NCOA3: variants seen among roughly 807,000 people sequenced by gnomAD.
NCOA3 encodes CBP-interacting protein.
In NCOA3, 51 loss-of-function variants were observed where a neutral mutation model predicts 158.8. That is an observed-to-expected ratio of 0.32 (90% CI 0.26 to 0.41). The LOEUF (loss-of-function observed/expected upper bound fraction) is 0.41. NCOA3 is among the 10% of genes least tolerant of loss of function. The probability of loss-of-function intolerance (pLI) is 1.00; values close to 1 mark genes in which losing one functional copy is unlikely to be tolerated. For synonymous variants in NCOA3, 537 were observed against 592.4 expected, an observed-to-expected ratio of 0.91 and a Z score of 1.36; for missense variants, 1,510 against 1,746.6, an observed-to-expected ratio of 0.86 and a Z score of 2.41.
At chr20:47,573,831 C>A (rs1384544538) in intron 1 of NCOA3, among the ~76,000 whole-genome samples, 1 of 152,156 alleles carries the variant, frequency 6.6e-6, no homozygotes, top group East Asian at 1.9e-4. Flanking sequence ...TCTCTGAATT[C>A]AGGGACTTCT....
At chr20:47,560,549 CACA>C (rs199694869) in intron 1 of NCOA3, among the ~76,000 whole-genome samples, 17 of 152,264 alleles carry the variant, frequency 1.1e-4, no homozygotes, top group Middle Eastern at 3.4e-3. Context: ...TCTGCATGCT[CACA>C]ACATTTGGTA....
At chr20:47,530,166 A>C (rs1286594993) in intron 1 of NCOA3, among the ~76,000 whole-genome samples, 1 of 152,224 alleles carries the variant, frequency 6.6e-6, no homozygotes. Flanking sequence ...TGTGGCCATA[A>C]ACACTGAAAT....
intron 2 of NCOA3, among the ~76,000 whole-genome samples, chr20:47,598,705 C>T (rs1287710834): frequency 2.0e-5 from 3 of 152,196 alleles, no homozygotes; most frequent in Non-Finnish European, 4.4e-5. Context: ...ACAGCTTACA[C>T]ACAAATATTC....
intron 1 of NCOA3, among the ~76,000 whole-genome samples, chr20:47,556,458 G>A (rs149103733): frequency 3.7e-4 from 57 of 152,310 alleles, no homozygotes; most frequent in Non-Finnish European, 6.9e-4. Context: ...GCTTCAAGTA[G>A]ACTCTGGACT....
intron 2 of NCOA3, among the ~76,000 whole-genome samples, chr20:47,603,565 T>C (rs540810668): frequency 3.9e-5 from 6 of 152,234 alleles, no homozygotes; most frequent in Non-Finnish European, 7.3e-5. Flanking sequence ...TTGTCCAGCA[T>C]CGAGGAAGAA....
chr20:47,510,555 T>A (rs1358826917), intron 1 of NCOA3, among the ~76,000 whole-genome samples: 1 of 151,892 alleles, frequency 6.6e-6, no homozygotes, highest in Non-Finnish European at 1.5e-5. Context: ...CCCTTTTCTT[T>A]CCCCCAAATC....
chr20:47,590,420 A>T (rs1261483677), intron 2 of NCOA3, among the ~76,000 whole-genome samples: 5 of 152,126 alleles, frequency 3.3e-5, no homozygotes, highest in Admixed American at 2.6e-4. Flanking sequence ...TCCTGGACTC[A>T]AGCAGTCCTG....
intron 6 of NCOA3, 93 bp from the exon 7 acceptor site, chr20:47,627,468 T>C: frequency 1.0e-6 from 1 of 972,166 alleles, no homozygotes; most frequent in Non-Finnish European, 1.6e-6. Flanking sequence ...ATGGAAAACA[T>C]GCATAATGAG....
chr20:47,563,370 TA>T (rs553129633), intron 1 of NCOA3, among the ~76,000 whole-genome samples: 2 of 152,102 alleles, frequency 1.3e-5, no homozygotes, highest in Non-Finnish European at 2.9e-5. Flanking sequence ...ACCACTCTGA[TA>T]GGGGATGTTT....
chr20:47,584,698 C>A (rs144614834), intron 2 of NCOA3, among the ~76,000 whole-genome samples: 19 of 149,986 alleles, frequency 1.3e-4, no homozygotes, highest in African/African-American at 4.0e-4. Flanking sequence ...GGTCTTCATT[C>A]TTTTCGTGAG....
chr20:47,623,142 A>C (rs2086268150), intron 3 of NCOA3: 1 of 152,226 alleles, frequency 6.6e-6, no homozygotes, highest in Non-Finnish European at 1.5e-5. Context: ...AAAATAATGT[A>C]ATCTATATAA....
chr20:47,505,004 T>G (rs13039968), intron 1 of NCOA3, among the ~76,000 whole-genome samples: 1 of 28,838 alleles, frequency 3.5e-5, no homozygotes, highest in Non-Finnish European at 7.3e-5. Context: ...GGGTTTTTGG[T>G]TTTTTTTTTT....
At chr20:47,584,240 A>G (rs1217976528) in intron 2 of NCOA3, among the ~76,000 whole-genome samples, 1 of 152,160 alleles carries the variant, frequency 6.6e-6, no homozygotes, top group African/African-American at 2.4e-5. Flanking sequence ...AGCTGCAGTG[A>G]GCTATGACTG....
At chr20:47,530,548 C>T (rs1292248019) in intron 1 of NCOA3, among the ~76,000 whole-genome samples, 6 of 151,140 alleles carry the variant, frequency 4.0e-5, no homozygotes, top group Admixed American at 6.6e-5. Context: ...TTGCAACCTC[C>T]GCCTCCTGGG....
intron 1 of NCOA3, among the ~76,000 whole-genome samples, chr20:47,552,962 C>G (rs1251412634): frequency 1.4e-5 from 2 of 147,530 alleles, no homozygotes; most frequent in Non-Finnish European, 3.0e-5. Flanking sequence ...CAGGGTTTTG[C>G]TCTGTCACCC....
chr20:47,544,199 A>C (rs1268271974), intron 1 of NCOA3, among the ~76,000 whole-genome samples: 3 of 144,044 alleles, frequency 2.1e-5, no homozygotes, highest in Non-Finnish European at 4.6e-5. Flanking sequence ...CCTATTCTTT[A>C]TTAATCTCTC....
intron 1 of NCOA3, among the ~76,000 whole-genome samples, chr20:47,511,540 T>TAC (rs1337953932): frequency 1.8e-4 from 4 of 22,660 alleles, no homozygotes; most frequent in East Asian, 2.6e-3. Context: ...TATATATATA[T>TAC]ATATATATAT....
chr20:47,524,705 G>C (rs1473883995), intron 1 of NCOA3, among the ~76,000 whole-genome samples: 1 of 152,150 alleles, frequency 6.6e-6, no homozygotes, highest in East Asian at 1.9e-4. Context: ...CCAGTATACA[G>C]ATCTTATAAA....
chr20:47,652,967 T>C lies in NCOA3; in HGVS notation c.4158T>C (p.Asn1386=). 6.2e-7 allele frequency: 1 copy of C among 1,614,192 alleles called. No homozygotes were observed. The change falls in exon 22 of 23, where the codon AAT becomes AAC. Residue 1386 remains asparagine, a synonymous_variant. Coordinates refer to ENST00000371998, the MANE Select transcript of NCOA3 (RefSeq NM_181659.3). ...AGCAGCAGTTTGCCCACCAGGGGAA[T>C]CCTGCAGTGTATAGTATGGTGCACA... ...FSQQQFAHQG[N]PAVYSMVHMN...
Sources: gnomAD v4.1 joint callset for allele counts (sites outside exome capture counted in the v4.1 genomes callset) on GRCh38, gnomAD v4.1.1 for gene constraint, MANE v1.5 for transcripts, NCBI Gene and HGNC (gene_info 2026-07-23, HGNC 2026-07-21) for gene names.